The following NDUFA5 variants were observed in gnomAD, a reference collection of about 807,000 sequenced individuals.
The protein encoded by NDUFA5 is NADH dehydrogenase [ubiquinone] 1 alpha subcomplex subunit 5.
NDUFA5 carries 11 observed loss-of-function variants against 19.8 expected under a neutral mutation model. The ratio of observed to expected loss-of-function variants is 0.56; its 90% CI spans 0.35 to 0.92. The LOEUF is 0.92. Ranked by LOEUF, NDUFA5 falls within the 40% of genes least tolerant of loss-of-function variation. The pLI, the probability that NDUFA5 is intolerant of heterozygous loss-of-function variation, is 0.01. For synonymous variants in NDUFA5, 47 were observed against 46.8 expected (o/e 1.00, Z -0.01); for missense variants, 109 against 134.2 (o/e 0.81, Z 0.93).
rs1300569786 is a variant in NDUFA5, at chr7:123,538,868, T to C, written c.*3251A>G. 1 of 152,264 alleles carries C rather than the reference T, an allele frequency of 6.6e-6. No homozygotes were observed. Among genetic ancestry groups the C allele is most frequent in the Non-Finnish European group, 1.5e-5 (1 of 68,042 alleles). 9.4% of individuals were successfully genotyped at this position (152,264 alleles called of 1,614,324 possible). On this transcript the variant is annotated 3_prime_UTR_variant, in exon 5 of 5. Transcript: ENST00000355749. ...GAAAAAGAAAAAGCTGCTATTAGCC[T>C]ACATGTGGGAATTTTCCTATATATT...
chr7:123,548,866 T>C (rs1193761950), intron 3 of NDUFA5, among the ~76,000 whole-genome samples: 1 of 152,102 alleles, frequency 6.6e-6, no homozygotes, highest in African/African-American at 2.4e-5. Flanking sequence ...GACAGCACAG[T>C]TGGCCCTCAG....
the NDUFA5 span, among the ~76,000 whole-genome samples, chr7:123,571,936 G>GT: frequency 1.3e-5 from 2 of 151,610 alleles, no homozygotes; most frequent in African/African-American, 4.8e-5. Flanking sequence ...TGCCCAGCTA[G>GT]TTTTTTTAAT....
chr7:123,575,362 G>A, the NDUFA5 span, among the ~76,000 whole-genome samples: 1 of 151,846 alleles, frequency 6.6e-6, no homozygotes, highest in Non-Finnish European at 1.5e-5. Flanking sequence ...TGTTAAATAT[G>A]TTCATACCTC....
At chr7:123,564,034 CAACTT>C in the NDUFA5 span, among the ~76,000 whole-genome samples, 1 of 152,158 alleles carries the variant, frequency 6.6e-6, no homozygotes, top group Admixed American at 6.5e-5. Flanking sequence ...ACAAGAGACA[CAACTT>C]AAATTGTAAA....
At chr7:123,560,693 G>A (rs187586369), upstream of NDUFA5, among the ~76,000 whole-genome samples, 7 of 152,144 alleles carry the variant, frequency 4.6e-5, no homozygotes, top group Middle Eastern at 3.4e-3. Flanking sequence ...ACCTCTTTTC[G>A]TGTGTGCTTG....
At position 123,540,578 on chromosome 7, in the gene NDUFA5, T is replaced by G. The variant is rs1211585695; in HGVS notation, c.*1541A>C. 6.6e-6 allele frequency: 1 copy of G among 152,116 alleles called. No individual in the cohort carries two copies. Among genetic ancestry groups the G allele is most frequent in the African/African-American group, 2.4e-5 (1 of 41,434 alleles). The allele number at this position is 152,116 out of a possible 1,614,324, so 9.4% of individuals were successfully genotyped here. ...CAAGAAATGTTTAGAACTGAAAATG[T>G]TGTTATAAATCATATTCTATTTCTT... On this transcript the variant is annotated 3_prime_UTR_variant, in exon 5 of 5. Coordinates refer to ENST00000355749, the MANE Select transcript of NDUFA5 (RefSeq NM_005000.5).
intron 3 of NDUFA5, chr7:123,546,645 G>C (rs1453691420): frequency 3.9e-6 from 5 of 1,274,656 alleles, no homozygotes; most frequent in Non-Finnish European, 5.1e-6. Context: ...AATAAAGAGG[G>C]AGAAAATAAT....
At chr7:123,574,746 A>C in the NDUFA5 span, among the ~76,000 whole-genome samples, 1 of 152,128 alleles carries the variant, frequency 6.6e-6, no homozygotes, top group East Asian at 1.9e-4. Context: ...AAGATCTTAC[A>C]TCAAGCAATA....
chr7:123,589,945 A>T, the NDUFA5 span, among the ~76,000 whole-genome samples: 1 of 152,200 alleles, frequency 6.6e-6, no homozygotes, highest in Non-Finnish European at 1.5e-5. Flanking sequence ...AACAGTGTAA[A>T]AGCGTTCCTA....
At chr7:123,586,730 G>T in the NDUFA5 span, among the ~76,000 whole-genome samples, 1 of 151,430 alleles carries the variant, frequency 6.6e-6, no homozygotes, top group Non-Finnish European at 1.5e-5. Context: ...GTTAATTTTT[G>T]TATATGGTGT....
chr7:123,557,609 G>A (rs756333168), intron 1 of NDUFA5, 161 bp from the exon 2 acceptor site: 49 of 1,613,172 alleles, frequency 3.0e-5, no homozygotes, highest in Non-Finnish European at 4.0e-5. Flanking sequence ...CTGACTCTCG[G>A]AGCGGAACCA....
chr7:123,588,642 A>T, the NDUFA5 span, among the ~76,000 whole-genome samples: 4 of 113,452 alleles, frequency 3.5e-5, no homozygotes, highest in Non-Finnish European at 3.7e-5. Context: ...TTCTTTTTCT[A>T]GTTGTTTGAG....
intron 2 of NDUFA5, among the ~76,000 whole-genome samples, chr7:123,554,039 T>C (rs1424535456): frequency 6.6e-6 from 1 of 152,200 alleles, no homozygotes; most frequent in East Asian, 1.9e-4. Context: ...GGAAGTGGTA[T>C]ATAGTTCTAT....
chr7:123,599,406 G>T, the NDUFA5 span, among the ~76,000 whole-genome samples: 3 of 152,202 alleles, frequency 2.0e-5, no homozygotes, highest in East Asian at 5.8e-4. Flanking sequence ...GGATCAGAAA[G>T]GACTTAATAA....
Position 123,545,653 on chromosome 7 carries a change from T to C in NDUFA5, c.207A>G (p.Glu69=). ...VKAEPDVKKL[E]DQLQGGQLEE... ...CTAATTGACCGCCTTGAAGTTGGTC[T>C]TCTAATTTTTTAACATCTGGTTCCT... Residue 69 remains glutamate (E), a synonymous_variant, in exon 4 of 5, where the codon GAA becomes GAG. Transcript: ENST00000355749. 16 of 1,609,796 alleles carry C rather than the reference T, an allele frequency of 9.9e-6. No individual in the cohort carries two copies. The highest frequency in any genetic ancestry group is 1.3e-5 in the Non-Finnish European group (15 of 1,178,604).
chr7:123,574,373 T>C, the NDUFA5 span, among the ~76,000 whole-genome samples: 1 of 152,154 alleles, frequency 6.6e-6, no homozygotes, highest in African/African-American at 2.4e-5. Flanking sequence ...ACCTGAGGAC[T>C]TGTTAAAACA....
chr7:123,582,859 A>G, the NDUFA5 span, among the ~76,000 whole-genome samples: 1 of 152,048 alleles, frequency 6.6e-6, no homozygotes, highest in Admixed American at 6.6e-5. Flanking sequence ...TACTTGGCAA[A>G]TAAATGAATG....
chr7:123,585,993 G>A, the NDUFA5 span, among the ~76,000 whole-genome samples: 1 of 151,576 alleles, frequency 6.6e-6, no homozygotes, highest in South Asian at 2.1e-4. Context: ...GGACACTTAG[G>A]TTAATTCCAC....
At chr7:123,577,537 T>G in the NDUFA5 span, among the ~76,000 whole-genome samples, 1 of 152,310 alleles carries the variant, frequency 6.6e-6, no homozygotes, top group East Asian at 1.9e-4. Context: ...TTGTCATACC[T>G]TATTTAACAT....
Sources: gnomAD v4.1 joint callset for allele counts (sites outside exome capture counted in the v4.1 genomes callset) on GRCh38, gnomAD v4.1.1 for gene constraint, MANE v1.5 for transcripts, NCBI Gene and HGNC (gene_info 2026-07-23, HGNC 2026-07-21) for gene names.